Variants in ANKRD28 observed in about 807,000 individuals in gnomAD.
The protein encoded by ANKRD28 is serine/threonine-protein phosphatase 6 regulatory ankyrin repeat subunit A.
In ANKRD28, 44 loss-of-function variants were observed where a neutral mutation model predicts 126.5. The observed-to-expected ratio is 0.35, with a 90% CI of 0.27 to 0.45. The LOEUF (loss-of-function observed/expected upper bound fraction) is 0.45, where lower values mean the gene tolerates loss of function less well. Ranked by LOEUF, ANKRD28 falls within the 20% of genes least tolerant of loss-of-function variation. The probability of loss-of-function intolerance (pLI) is 1.00; values close to 1 mark genes in which losing one functional copy is unlikely to be tolerated. For missense variants in ANKRD28, 1,110 were observed against 1,316.6 expected, an observed-to-expected ratio of 0.84 and a Z score of 2.43; for synonymous variants, 442 against 468.5, an observed-to-expected ratio of 0.94 and a Z score of 0.73.
At chr3:15,763,608 A>G (rs937796290) in intron 3 of ANKRD28, among the ~76,000 whole-genome samples, 1 of 152,234 alleles carries the variant, frequency 6.6e-6, no homozygotes, top group African/African-American at 2.4e-5. Flanking sequence ...CTTGTTGATG[A>G]TGCGACATCT....
At chr3:15,738,828 G>T (rs942817876) in intron 4 of ANKRD28, 1 of 152,132 alleles carries the variant, frequency 6.6e-6, no homozygotes, top group East Asian at 1.9e-4. Context: ...GCCTGGGAGC[G>T]CTATGGGAGA....
rs979965884 is a variant in ANKRD28, at chr3:15,817,711, A to C, written c.28-22405T>G. Among the ~76,000 whole-genome samples, 3 of 152,212 alleles carry C rather than the reference A, an allele frequency of 2.0e-5. No homozygotes were observed. Among genetic ancestry groups the C allele is most frequent in the Non-Finnish European group, 4.4e-5 (3 of 68,032 alleles). On this transcript the variant is annotated intron_variant, in intron 1 of 27. Coordinates refer to the ANKRD28 transcript ENST00000399451. The surrounding 1 kb of genome is among the most constrained non-coding windows in gnomAD (Gnocchi z 4.5). Reference sequence around the variant, plus strand: ...ACCAGGAAACCACTAATTTCTTCCTAAGATGAGATACAAGCAAGAATGCCT... The same window carrying C: ...ACCAGGAAACCACTAATTTCTTCCTCAGATGAGATACAAGCAAGAATGCCT...
At chr3:15,819,560 A>T (rs986001988) in intron 1 of ANKRD28, among the ~76,000 whole-genome samples, 1 of 152,240 alleles carries the variant, frequency 6.6e-6, no homozygotes, top group African/African-American at 2.4e-5. Context: ...GCTACAGTAC[A>T]GGAAACCAGA....
At chr3:15,688,587 T>C (rs2068421754) in intron 18 of ANKRD28, among the ~76,000 whole-genome samples, 1 of 152,226 alleles carries the variant, frequency 6.6e-6, no homozygotes, top group African/African-American at 2.4e-5. Flanking sequence ...TCTGATAGCT[T>C]TGAAGGGCGG....
intron 14 of ANKRD28, among the ~76,000 whole-genome samples, chr3:15,700,542 G>A (rs148431340): frequency 0.013 from 2,051 of 152,202 alleles, 52 homozygotes; most frequent in African/African-American, 0.047. Context: ...TTGAGAGGCT[G>A]AGGCGGGCAG....
intron 1 of ANKRD28, among the ~76,000 whole-genome samples, chr3:15,810,715 T>G (rs59139878): frequency 6.7e-6 from 1 of 150,240 alleles, no homozygotes; most frequent in African/African-American, 2.5e-5. Flanking sequence ...TTTTTTTTTT[T>G]CCCCTAAGTA....
intron 8 of ANKRD28, among the ~76,000 whole-genome samples, chr3:15,718,729 C>T (rs1162370050): frequency 1.3e-5 from 2 of 152,288 alleles, no homozygotes; most frequent in South Asian, 2.1e-4. Flanking sequence ...TCCGTAATTT[C>T]CATAATACTA....
At chr3:15,832,391 G>A (rs1466912200) in intron 1 of ANKRD28, among the ~76,000 whole-genome samples, 1 of 152,124 alleles carries the variant, frequency 6.6e-6, no homozygotes, top group African/African-American at 2.4e-5. Flanking sequence ...TACTCTTTGG[G>A]AATCTTTAAG....
intron 14 of ANKRD28, among the ~76,000 whole-genome samples, chr3:15,707,345 A>G (rs1321225652): frequency 6.6e-6 from 1 of 152,158 alleles, no homozygotes; most frequent in African/African-American, 2.4e-5. Context: ...TTTATGCATC[A>G]TTTATTCTTG....
rs544087944 is a variant in ANKRD28, at chr3:15,817,788, A to C, written c.28-22482T>G. On this transcript the variant is annotated intron_variant, in intron 1 of 27. Transcript: ENST00000399451. The surrounding 1 kb of genome is among the most constrained non-coding windows in gnomAD (Gnocchi z 4.5). ...ATATTGAAAGAAAGAGCACTGCCAT[A>C]AGGGTAGAAGGAATAAGGGATATAT... 6.6e-5 allele frequency among the ~76,000 whole-genome samples: 10 copies of C among 152,288 alleles called. No homozygotes were observed. The highest frequency in any genetic ancestry group is 2.4e-4 in the African/African-American group (10 of 41,562).
intron 24 of ANKRD28, 108 bp downstream of exon 24, chr3:15,678,101 T>C (rs1284426388): frequency 2.2e-5 from 25 of 1,138,922 alleles, no homozygotes; most frequent in Non-Finnish European, 1.2e-6. Flanking sequence ...AGGTTTTAAG[T>C]CTTAGGAGTG....
chr3:15,774,244 C>A (rs1217357942), intron 2 of ANKRD28, among the ~76,000 whole-genome samples: 1 of 152,054 alleles, frequency 6.6e-6, no homozygotes, highest in East Asian at 1.9e-4. Flanking sequence ...AAAGCAAAAT[C>A]CATGAAGTTA....
intron 2 of ANKRD28, among the ~76,000 whole-genome samples, chr3:15,783,378 A>G (rs1225451206): frequency 1.3e-5 from 2 of 152,078 alleles, no homozygotes; most frequent in Non-Finnish European, 1.5e-5. Flanking sequence ...TATACGAAAT[A>G]TTTGTGAGAA....
chr3:15,825,017 T>C (rs1445857137), intron 1 of ANKRD28, among the ~76,000 whole-genome samples: 1 of 152,138 alleles, frequency 6.6e-6, no homozygotes, highest in Non-Finnish European at 1.5e-5. Context: ...AGCCAACTTG[T>C]GTGTTAAAAG....
At chr3:15,829,252 T>C (rs2061136547) in intron 1 of ANKRD28, among the ~76,000 whole-genome samples, 4 of 152,134 alleles carry the variant, frequency 2.6e-5, no homozygotes, top group Admixed American at 2.6e-4. Flanking sequence ...TTTTAAAAAA[T>C]TAAGTAGCAC....
At chr3:15,780,706 T>C (rs995605068) in intron 2 of ANKRD28, among the ~76,000 whole-genome samples, 1 of 152,116 alleles carries the variant, frequency 6.6e-6, no homozygotes, top group African/African-American at 2.4e-5. Flanking sequence ...CAGCATAGTA[T>C]TGGCATAAAA....
intron 4 of ANKRD28, among the ~76,000 whole-genome samples, chr3:15,739,075 G>T (rs554513678): frequency 6.6e-6 from 1 of 152,118 alleles, no homozygotes; most frequent in Non-Finnish European, 1.5e-5. Flanking sequence ...CCTAAACATC[G>T]CTGTTATCCT....
chr3:15,673,456 A>G (rs908786856), intron 27 of ANKRD28, among the ~76,000 whole-genome samples: 1 of 152,242 alleles, frequency 6.6e-6, no homozygotes, highest in Non-Finnish European at 1.5e-5. Flanking sequence ...TGCAACTGAC[A>G]AAGATTTCAC....
chr3:15,840,156 C>T (rs1241471901), intron 1 of ANKRD28, among the ~76,000 whole-genome samples: 2 of 152,048 alleles, frequency 1.3e-5, no homozygotes, highest in Admixed American at 1.3e-4. Context: ...CTAAAGACTC[C>T]ACACACAAAA....
Sources: allele counts gnomAD v4.1 joint callset (sites outside exome capture counted in the v4.1 genomes callset), GRCh38; gene constraint gnomAD v4.1.1; non-coding constraint Gnocchi (gnomAD v3.1); transcripts MANE v1.5; gene names NCBI Gene and HGNC (gene_info 2026-07-23, HGNC 2026-07-21).